The following GTPBP4 variants were observed in gnomAD, a reference collection of about 807,000 sequenced individuals.
GTPBP4 encodes the protein GTP-binding protein 4.
In GTPBP4, 15 loss-of-function variants were observed where a neutral mutation model predicts 81.7. That is an observed-to-expected ratio of 0.18 (90% CI 0.12 to 0.28). The LOEUF (loss-of-function observed/expected upper bound fraction) is 0.28. GTPBP4 is among the 10% of genes least tolerant of loss of function. The pLI is 1.00. For synonymous variants in GTPBP4, 272 were observed against 274.6 expected (o/e 0.99, Z 0.09); for missense variants, 847 against 793.8 (o/e 1.07, Z -0.81).
intron 8 of GTPBP4, among the ~76,000 whole-genome samples, chr10:1,003,605 C>T (rs922524929): frequency 3.3e-5 from 5 of 152,146 alleles, no homozygotes; most frequent in African/African-American, 1.2e-4. Flanking sequence ...GGAAGAGAAC[C>T]GTGACTTTCT....
intron 1 of GTPBP4, chr10:988,916 T>C (rs1163630215): frequency 5.0e-6 from 1 of 201,418 alleles, no homozygotes; most frequent in Non-Finnish European, 1.0e-5. Context: ...ATTCTGGGTT[T>C]GGCGTAGCCC....
At chr10:993,864 A>G (rs1291200671) in intron 2 of GTPBP4, among the ~76,000 whole-genome samples, 3 of 151,492 alleles carry the variant, frequency 2.0e-5, no homozygotes, top group African/African-American at 7.3e-5. Context: ...GGTTCAAGCG[A>G]TTCTCCTGCC....
chr10:995,801 G>A (rs1831528001), intron 2 of GTPBP4, 128 bp from the exon 3 acceptor site: 2 of 623,210 alleles, frequency 3.2e-6, no homozygotes, highest in Non-Finnish European at 5.8e-6. Context: ...AGGGCCCCTG[G>A]CCAGGAGAGG....
rs758395871 is a variant in GTPBP4, at chr10:1,012,548, G to T, written c.1428G>T (p.Glu476Asp). 1 of 1,613,482 alleles carries T rather than the reference G, an allele frequency of 6.2e-7. No homozygotes were observed. The highest frequency in any genetic ancestry group is 1.1e-5 in the South Asian group (1 of 91,068). ...YDSVSESEDE[E>D]MLEIRQLAKQ... ...GTGTATCTGAGAGTGAAGACGAAGA[G>T]ATGCTGGAAATCCGACAGCTGGCAA... Residue 476 changes from glutamate (E) to aspartate (D), a missense_variant, in exon 14 of 17, where the codon GAG (glutamate) becomes GAT (aspartate). By Grantham distance (45) the Glu-to-Asp change is conservative. This residue lies in a region of GTPBP4 where 600 missense variants were observed against 557.1 expected (regional missense o/e 1.08). Coordinates refer to ENST00000360803, the MANE Select transcript of GTPBP4 (RefSeq NM_012341.3).
intron 16 of GTPBP4, 57 bp downstream of exon 16, chr10:1,015,953 A>G: frequency 6.8e-7 from 1 of 1,470,510 alleles, no homozygotes; most frequent in Non-Finnish European, 9.4e-7. Flanking sequence ...TTTATTGCAC[A>G]GGGTTCAGGG....
chr10:1,018,971 T>C lies in GTPBP4; in HGVS notation c.*1744T>C, dbSNP rs143878742. The C allele has an allele frequency of 1.8e-3, 274 of 153,388 alleles. 2 individuals carry two copies. The South Asian group carries it at 0.022, about 12-fold the overall frequency. 9.5% of individuals were successfully genotyped at this position (153,388 alleles called of 1,614,324 possible). A position where few individuals can be genotyped will look rare whatever the true frequency, so the allele number is the denominator to read the frequency against. On this transcript the variant is annotated 3_prime_UTR_variant, in exon 17 of 17. Transcript: ENST00000360803. ...ACTGAAACGATCAAATGAACAGAAGTGGATAAACGTCGAGTCACTTGGCTG... is the reference window on the plus strand; with the variant it reads ...ACTGAAACGATCAAATGAACAGAAGCGGATAAACGTCGAGTCACTTGGCTG...
At chr10:1,005,734 C>T (rs1831717786) in intron 8 of GTPBP4, 84 bp from the exon 9 acceptor site, 2 of 772,678 alleles carry the variant, frequency 2.6e-6, no homozygotes, top group Non-Finnish European at 4.6e-6. Flanking sequence ...ACATTTGCAG[C>T]CTCCATTTGC....
intron 1 of GTPBP4, 46 bp downstream of exon 1, chr10:988,573 G>A (rs564463431): frequency 6.8e-7 from 1 of 1,477,516 alleles, no homozygotes; most frequent in African/African-American, 1.4e-5. Flanking sequence ...GTTCTCCTCA[G>A]CTGGGTCCCC....
Position 1,017,197 on chromosome 10 carries a change from G to A in GTPBP4, c.1875G>A (p.Lys625=), listed in dbSNP as rs371848348. ...AGCCCAAGCACTTGCTGTCTGGGAAGAGGAAAGCTGGTAAAAAGGACAGGA... is the reference window on the plus strand; with the variant it reads ...AGCCCAAGCACTTGCTGTCTGGGAAAAGGAAAGCTGGTAAAAAGGACAGGA... ...DMKPKHLLSG[K]RKAGKKDRR The change falls in exon 17 of 17, where the codon AAG becomes AAA. Residue 625 remains lysine (K), a synonymous_variant. Coordinates refer to ENST00000360803, the MANE Select transcript of GTPBP4 (RefSeq NM_012341.3). The A allele has an allele frequency of 3.1e-6, 5 of 1,614,176 alleles. No individual in the cohort carries two copies. Among genetic ancestry groups the A allele is most frequent in the Non-Finnish European group, 4.2e-6 (5 of 1,179,986 alleles).
chr10:996,173 C>T lies in GTPBP4; in HGVS notation c.391C>T (p.Arg131Cys), dbSNP rs768308906. 1.4e-5 allele frequency: 22 copies of T among 1,613,316 alleles called. No homozygotes were observed. The highest frequency in any genetic ancestry group is 1.3e-5 in the Non-Finnish European group (15 of 1,179,398). ...TCTCTACCGCTGCAAACAGCTGAAGCGTGCGGCCCTGGGACGGATGTGCAC... is the reference window on the plus strand; with the variant it reads ...TCTCTACCGCTGCAAACAGCTGAAGTGTGCGGCCCTGGGACGGATGTGCAC... ...DSLYRCKQLK[R>C]AALGRMCTVI... The change falls in exon 4 of 17, where the codon CGT becomes TGT. Residue 131 changes from arginine to cysteine, a missense_variant. Physicochemically the swap from Arg to Cys is radical, Grantham distance 180. Transcript: ENST00000360803.
chr10:1,013,308 C>T (rs1191545765), intron 14 of GTPBP4, among the ~76,000 whole-genome samples: 2 of 148,566 alleles, frequency 1.3e-5, no homozygotes, highest in South Asian at 2.3e-4. Context: ...TTAATTTCTG[C>T]ATTAAATCTG....
At chr10:1,010,994 C>CCACCTTCCCCACCCCGAGA (rs1199639524) in intron 13 of GTPBP4, among the ~76,000 whole-genome samples, 4 of 146,866 alleles carry the variant, frequency 2.7e-5, no homozygotes, top group Non-Finnish European at 6.0e-5. Flanking sequence ...GCCTCCTGCA[C>CCACCTTCCCCACCCCGAGA]CACCTTCCCC....
chr10:990,902 C>A (rs115549125), intron 1 of GTPBP4, among the ~76,000 whole-genome samples: 1 of 151,464 alleles, frequency 6.6e-6, no homozygotes, highest in Non-Finnish European at 1.5e-5. Flanking sequence ...TTGACTTGGT[C>A]CCCCTTCAGG....
intron 8 of GTPBP4, among the ~76,000 whole-genome samples, chr10:1,002,560 G>T (rs1831654733): frequency 6.6e-6 from 1 of 152,150 alleles, no homozygotes. Context: ...GCTTCCAGAT[G>T]TAGGACTTTC....
At chr10:989,488 T>C (rs1831404419) in intron 1 of GTPBP4, among the ~76,000 whole-genome samples, 1 of 152,186 alleles carries the variant, frequency 6.6e-6, no homozygotes, top group Non-Finnish European at 1.5e-5. Context: ...TACACAGACA[T>C]TGACGGGCAA....
rs41289285 is a variant in GTPBP4 at position 1,012,515 on chromosome 10, G to C, written c.1395G>C (p.Glu465Asp). 6.5e-5 allele frequency: 105 copies of C among 1,613,374 alleles called. No individual in the cohort carries two copies. Among genetic ancestry groups the C allele is most frequent in the Non-Finnish European group, 8.1e-5 (96 of 1,179,306 alleles). Residue 465 changes from glutamate to aspartate, a missense_variant, in exon 14 of 17, where the codon GAG becomes GAC. Transcript: ENST00000360803. The part of the protein sequence containing the change: ...KEEELRTAAG[E>D]YDSVSESEDE... ...AAGAGCTGAGAACAGCTGCTGGAGAGTATGACAGTGTATCTGAGAGTGAAG... is the reference window on the plus strand; with the variant it reads ...AAGAGCTGAGAACAGCTGCTGGAGACTATGACAGTGTATCTGAGAGTGAAG...
At chr10:997,566 T>G (rs749541469) in intron 5 of GTPBP4, among the ~76,000 whole-genome samples, 40 of 152,272 alleles carry the variant, frequency 2.6e-4, no homozygotes, top group Non-Finnish European at 4.8e-4. Flanking sequence ...TGTCTGTATC[T>G]ACATTTATAT....
At chr10:995,231 A>G (rs1831516942) in intron 2 of GTPBP4, among the ~76,000 whole-genome samples, 1 of 152,316 alleles carries the variant, frequency 6.6e-6, no homozygotes, top group East Asian at 1.9e-4. Context: ...TGTGGGGAGC[A>G]TGAATGTTTG....
At position 1,000,835 on chromosome 10, in the gene GTPBP4, C is replaced by T; in HGVS notation, c.813C>T (p.Leu271=). 1 of 1,610,656 alleles carries T rather than the reference C, an allele frequency of 6.2e-7. No individual in the cohort carries two copies. The highest frequency in any genetic ancestry group is 1.1e-5 in the South Asian group (1 of 90,456). The change falls in exon 7 of 17, where the codon CTC becomes CTT. Residue 271 remains leucine, a synonymous_variant. Transcript: ENST00000360803. ...ATGGGCTGAGGGAGCAGCTAGAACT[C>T]TTCCAGAACATCAGACCTCTCTTCA... is the stretch of plus-strand genomic sequence containing the variant. ...CGHGLREQLE[L]FQNIRPLFIN...
Sources: gnomAD v4.1 joint callset for allele counts (sites outside exome capture counted in the v4.1 genomes callset) on GRCh38, gnomAD v4.1.1 for gene constraint, gnomAD v4.1.1 regional missense constraint, MANE v1.5 for transcripts, NCBI Gene and HGNC (gene_info 2026-07-23, HGNC 2026-07-21) for gene names.